Variants in RPAIN observed in about 807,000 individuals in gnomAD.
RPAIN encodes RPA interacting protein, also known as RPA-interacting protein.
A neutral mutation model predicts 30.5 loss-of-function variants in RPAIN; 29 were observed. The observed-to-expected ratio is 0.95, with a 90% CI of 0.71 to 1.30. The LOEUF is 1.30. RPAIN is among the 50% of genes most tolerant of loss of function. The pLI, the probability that RPAIN is intolerant of heterozygous loss-of-function variation, is 0.00. For missense variants in RPAIN, 247 were observed against 264.7 expected, an observed-to-expected ratio of 0.93 and a Z score of 0.46; for synonymous variants, 101 against 93.5, an observed-to-expected ratio of 1.08 and a Z score of -0.46.
chr17:5,424,275 G>A (rs1915171505), intron 3 of RPAIN, among the ~76,000 whole-genome samples: 1 of 152,070 alleles, frequency 6.6e-6, no homozygotes, highest in Non-Finnish European at 1.5e-5. Context: ...TTACAGGCAT[G>A]AGCCAAAATG....
In RPAIN at chr17:5,420,289, C is replaced by T. The variant is rs1326541565; in HGVS notation, c.79C>T (p.Gln27Ter). ...GCCGCCTTGGAAAGAGGCTTTCCGG[C>T]AGGTGGGTATGGGGTTTGTGCAGTG... Reference protein sequence around the residue: ...GSPPWKEAFRQRCLERMRNSR... With the variant: ...GSPPWKEAFR Residue 27 changes from glutamine to a stop codon, truncating the protein, a stop_gained and splice_region_variant, in exon 1 of 7, where the codon CAG becomes TAG. Coordinates refer to ENST00000381209, the MANE Select transcript of RPAIN (RefSeq NM_001033002.4). LOFTEE classifies it high-confidence loss of function. 2.5e-6 allele frequency: 4 copies of T among 1,613,118 alleles called. No homozygotes were observed. In the South Asian group the frequency reaches 3.3e-5, roughly 13 times the overall value.
chr17:5,427,934 C>A, intron 5 of RPAIN, 137 bp from the exon 6 acceptor site: 1 of 790,694 alleles, frequency 1.3e-6, no homozygotes, highest in Non-Finnish European at 2.2e-6. Flanking sequence ...CAGTCATGGG[C>A]CCGAGTGTCT....
intron 6 of RPAIN, chr17:5,429,651 C>T: frequency 1.0e-6 from 1 of 985,456 alleles, no homozygotes; most frequent in Non-Finnish European, 1.2e-6. Context: ...CCCCTCACTA[C>T]TTCCTGTTGA....
intron 1 of RPAIN, 27 bp from the exon 2 acceptor site, chr17:5,421,269 C>T (rs766440032): frequency 1.3e-4 from 196 of 1,504,776 alleles, no homozygotes; most frequent in East Asian, 7.3e-4. Context: ...TTTTTTTTTC[C>T]CCCCCAATCT....
intron 6 of RPAIN, chr17:5,431,719 A>G: frequency 4.5e-6 from 2 of 444,618 alleles, no homozygotes; most frequent in Non-Finnish European, 9.0e-6. Context: ...AGAAGATTGC[A>G]CTCTATCACA....
At chr17:5,429,424 A>T in intron 6 of RPAIN, 1 of 985,436 alleles carries the variant, frequency 1.0e-6, no homozygotes, top group Non-Finnish European at 1.2e-6. Flanking sequence ...GAGGGAGAGG[A>T]TAGTTCCTGT....
At chr17:5,423,614 C>T (rs1915083719) in intron 3 of RPAIN, among the ~76,000 whole-genome samples, 1 of 152,220 alleles carries the variant, frequency 6.6e-6, no homozygotes, top group Admixed American at 6.5e-5. Context: ...TTAAGTGCCA[C>T]ATTCTCTATT....
In RPAIN at chr17:5,432,851, A is replaced by C; in HGVS notation, c.*280A>C. ...GAAATAATAGATTTGTACAGAAAAA[A>C]ATGATAATAAATGAGAACACAAAAC... On this transcript the variant is annotated 3_prime_UTR_variant, in exon 7 of 7. Transcript: ENST00000381209. 1 of 949,114 alleles carries C rather than the reference A, an allele frequency of 1.1e-6. No homozygotes were observed. Among genetic ancestry groups the C allele is most frequent in the Non-Finnish European group, 1.5e-6 (1 of 669,176 alleles). The allele number at this position is 949,114 out of a possible 1,614,324, so 58.8% of individuals were successfully genotyped here.
At chr17:5,429,378 G>A in intron 6 of RPAIN, 6 of 985,478 alleles carry the variant, frequency 6.1e-6, no homozygotes, top group South Asian at 9.4e-5. Flanking sequence ...TATACAAAGA[G>A]CATCTTGTTC....
Position 5,426,005 on chromosome 17 carries a change from G to A in RPAIN, c.348G>A (p.Leu116=). The change falls in exon 4 of 7, where the codon TTG becomes TTA. Residue 116 remains leucine, a synonymous_variant. Transcript: ENST00000381209. ...TCATCAGCGAGTATGAGAAGAGCTT[G>A]CAGTTTGATGAAAAGTGTCTCAGCA... ...QSIISEYEKS[L]QFDEKCLSIM... The A allele has an allele frequency of 6.2e-7, 1 of 1,613,956 alleles. No individual in the cohort carries two copies. The highest frequency in any genetic ancestry group is 1.7e-5 in the Admixed American group (1 of 59,992).
At chr17:5,423,183 A>G (rs1232848865) in intron 3 of RPAIN, 2 of 177,096 alleles carry the variant, frequency 1.1e-5, no homozygotes, top group African/African-American at 4.7e-5. Context: ...TCCAGTTCCC[A>G]TGTTTCTTCT....
At chr17:5,431,041 G>C (rs985290196) in intron 6 of RPAIN, 1 of 203,470 alleles carries the variant, frequency 4.9e-6, no homozygotes, top group Non-Finnish European at 9.8e-6. Flanking sequence ...AGTGCCCTGT[G>C]GCTCAGAGCA....
chr17:5,421,576 C>G (rs1365750366), intron 2 of RPAIN, 110 bp downstream of exon 2: 2 of 907,946 alleles, frequency 2.2e-6, no homozygotes, highest in Non-Finnish European at 3.2e-6. Flanking sequence ...TCCCCTAACC[C>G]CATTTAGAAT....
At chr17:5,428,609 G>T in intron 6 of RPAIN, 1 of 957,584 alleles carries the variant, frequency 1.0e-6, no homozygotes, top group South Asian at 2.1e-5. Context: ...TCTGTCAGTG[G>T]AGTTTTTACA....
chr17:5,431,417 G>A lies in RPAIN; in HGVS notation c.631-1125G>A, dbSNP rs767056293. On this transcript the variant is annotated intron_variant, in intron 6 of 6. Transcript: ENST00000381209. ...TGGGAGGATGGCTTGAGCTCAGGAG[G>A]CAGAGGTTGCAGTGAGCTGAGAGGG... is the stretch of plus-strand genomic sequence containing the variant. 92 of 451,352 alleles carry A rather than the reference G, an allele frequency of 2.0e-4. 3 individuals carry two copies. Among genetic ancestry groups the A allele is most frequent in the South Asian group, 1.4e-3 (90 of 63,818 alleles). The allele number at this position is 451,352 out of a possible 1,614,324, so 28.0% of individuals were successfully genotyped here. A position where few individuals can be genotyped will look rare whatever the true frequency, so the allele number is the denominator to read the frequency against.
At chr17:5,423,990 TA>T (rs1274181658) in intron 3 of RPAIN, among the ~76,000 whole-genome samples, 2 of 134,784 alleles carry the variant, frequency 1.5e-5, no homozygotes, top group Non-Finnish European at 3.2e-5. Flanking sequence ...TTTATTTATG[TA>T]TTTTTTTTTT....
At chr17:5,424,170 G>A (rs1915159756) in intron 3 of RPAIN, among the ~76,000 whole-genome samples, 2 of 150,604 alleles carry the variant, frequency 1.3e-5, no homozygotes, top group African/African-American at 4.9e-5. Context: ...TTATTTTTTT[G>A]TAGAGACAGG....
rs1916060945 is a variant in RPAIN at position 5,432,365 on chromosome 17, G to A, written c.631-177G>A. On this transcript the variant is annotated intron_variant, in intron 6 of 6. Transcript: ENST00000381209. ...AGTTGTTTGAAGGCTGCAGGACAGA[G>A]GTCCAGCAATGCCAAAGAGGGGCGG... 5 of 616,740 alleles carry A rather than the reference G, an allele frequency of 8.1e-6. No homozygotes were observed. The South Asian group carries it at 9.8e-5, about 12-fold the overall frequency. 38.2% of individuals were successfully genotyped at this position (616,740 alleles called of 1,614,324 possible). A position where few individuals can be genotyped will look rare whatever the true frequency, so the allele number is the denominator to read the frequency against.
intron 5 of RPAIN, 121 bp from the exon 6 acceptor site, chr17:5,427,950 G>A (rs939035648): frequency 7.7e-6 from 7 of 906,226 alleles, no homozygotes; most frequent in Non-Finnish European, 1.3e-5. Flanking sequence ...TGTCTTTAAG[G>A]CTCCAAGGAG....
Sources: gnomAD v4.1 joint callset for allele counts (sites outside exome capture counted in the v4.1 genomes callset) on GRCh38, gnomAD v4.1.1 for gene constraint, MANE v1.5 for transcripts, NCBI Gene and HGNC (gene_info 2026-07-23, HGNC 2026-07-21) for gene names.